SBF2: variants seen among roughly 807,000 people sequenced by gnomAD.
SBF2 encodes SET binding factor 2.
A neutral mutation model predicts 225.2 loss-of-function variants in SBF2; 112 were observed. The ratio of observed to expected loss-of-function variants is 0.50; its 90% CI spans 0.43 to 0.58. The LOEUF (loss-of-function observed/expected upper bound fraction) is 0.58. Among genes scored for constraint, SBF2 ranks in the 20% least tolerant of loss-of-function variants. The pLI, the probability that SBF2 is intolerant of heterozygous loss-of-function variation, is 0.00. For missense variants in SBF2, 1,996 were observed against 2,206.2 expected (o/e 0.90, Z 1.91); for synonymous variants, 763 against 773.3 (o/e 0.99, Z 0.22).
intron 16 of SBF2, among the ~76,000 whole-genome samples, chr11:9,910,478 AT>A (rs1282451743): frequency 6.6e-6 from 1 of 152,202 alleles, no homozygotes; most frequent in African/African-American, 2.4e-5. Context: ...ATTAAAAAAA[AT>A]AGCTAATGGT....
At chr11:10,220,585 C>G (rs1278948793) in intron 1 of SBF2, among the ~76,000 whole-genome samples, 1 of 152,130 alleles carries the variant, frequency 6.6e-6, no homozygotes, top group Non-Finnish European at 1.5e-5. Context: ...GTTTCTTACC[C>G]TATACATTGC....
At chr11:9,786,295 T>C (rs1298871876) in intron 36 of SBF2, among the ~76,000 whole-genome samples, 1 of 152,266 alleles carries the variant, frequency 6.6e-6, no homozygotes, top group Non-Finnish European at 1.5e-5. Context: ...TTTGATAGCA[T>C]AGTGGTTTAC....
At chr11:10,124,292 T>C (rs1350413513) in intron 2 of SBF2, among the ~76,000 whole-genome samples, 3 of 152,174 alleles carry the variant, frequency 2.0e-5, no homozygotes, top group Non-Finnish European at 2.9e-5. Context: ...AAATTTATCC[T>C]TCCAATGGCA....
chr11:9,847,201 G>T, intron 22 of SBF2, 118 bp from the exon 23 acceptor site: 1 of 1,258,056 alleles, frequency 7.9e-7, no homozygotes, highest in Non-Finnish European at 1.2e-6. Context: ...ACACTGCCCA[G>T]GGATGCAGTG....
intron 2 of SBF2, among the ~76,000 whole-genome samples, chr11:10,141,276 C>T (rs958902632): frequency 3.3e-5 from 5 of 152,060 alleles, no homozygotes; most frequent in African/African-American, 1.2e-4. Flanking sequence ...ACTATTATCT[C>T]CAGCTGAATG....
intron 2 of SBF2, among the ~76,000 whole-genome samples, chr11:10,175,482 C>A (rs937692757): frequency 1.1e-3 from 163 of 151,342 alleles, no homozygotes; most frequent in Non-Finnish European, 2.1e-3. Flanking sequence ...TATATATGCA[C>A]CCAATACAGG....
chr11:9,808,285 T>C, intron 31 of SBF2, 100 bp from the exon 32 acceptor site: 1 of 1,038,382 alleles, frequency 9.6e-7, no homozygotes, highest in South Asian at 1.4e-5. Context: ...AATTCACAAA[T>C]TTACCTGGAC....
At chr11:9,841,330 T>A (rs1157755670) in intron 25 of SBF2, among the ~76,000 whole-genome samples, 1 of 152,134 alleles carries the variant, frequency 6.6e-6, no homozygotes, top group African/African-American at 2.4e-5. Context: ...TAAAAAAAAT[T>A]GAGTTAGAAG....
intron 23 of SBF2, among the ~76,000 whole-genome samples, chr11:9,846,594 C>T (rs12577960): frequency 0.08 from 12,151 of 152,304 alleles, 570 homozygotes; most frequent in East Asian, 0.16. Flanking sequence ...TTCCATAGAA[C>T]AGCCACAGGG....
intron 1 of SBF2, among the ~76,000 whole-genome samples, chr11:10,267,707 G>T (rs932761265): frequency 6.6e-6 from 1 of 152,066 alleles, no homozygotes; most frequent in African/African-American, 2.4e-5. Context: ...ATACAAACCC[G>T]AAACTGTCTA....
chr11:10,133,702 G>A (rs1954209585), intron 2 of SBF2, among the ~76,000 whole-genome samples: 1 of 151,510 alleles, frequency 6.6e-6, no homozygotes, highest in African/African-American at 2.4e-5. Context: ...ACACCTCCCT[G>A]CAAGCTGAGG....
intron 2 of SBF2, among the ~76,000 whole-genome samples, chr11:10,060,843 A>G (rs1193735005): frequency 1.3e-5 from 2 of 152,138 alleles, no homozygotes; most frequent in Non-Finnish European, 2.9e-5. Context: ...CCTGGCTAAC[A>G]CGGTTAAACC....
intron 20 of SBF2, among the ~76,000 whole-genome samples, chr11:9,853,172 A>G (rs1398893375): frequency 2.0e-5 from 3 of 152,230 alleles, no homozygotes; most frequent in Non-Finnish European, 4.4e-5. Flanking sequence ...ATATTATCTA[A>G]GTCCACTTAT....
At chr11:9,797,132 TCTC>T (rs1399938062) in intron 32 of SBF2, among the ~76,000 whole-genome samples, 19 of 152,226 alleles carry the variant, frequency 1.2e-4, no homozygotes, top group Admixed American at 4.6e-4. Flanking sequence ...AAGTCAGCGT[TCTC>T]CTCCATGTTT....
chr11:9,905,064 A>G (rs926535873), intron 16 of SBF2, among the ~76,000 whole-genome samples: 3 of 152,206 alleles, frequency 2.0e-5, no homozygotes, highest in Non-Finnish European at 4.4e-5. Context: ...AAATTTCAAA[A>G]TGTTTTGAAT....
chr11:9,942,980 G>T (rs1865367216), intron 16 of SBF2, among the ~76,000 whole-genome samples: 1 of 147,544 alleles, frequency 6.8e-6, no homozygotes, highest in African/African-American at 2.5e-5. Context: ...AAAGAAAGAG[G>T]AAGAAAGAAA....
intron 1 of SBF2, among the ~76,000 whole-genome samples, chr11:10,227,619 A>G (rs1958629767): frequency 6.6e-6 from 1 of 152,184 alleles, no homozygotes; most frequent in African/African-American, 2.4e-5. Flanking sequence ...TTTGACAAAG[A>G]TCAGATAGTT....
chr11:9,925,155 A>C (rs1320447114), intron 16 of SBF2, among the ~76,000 whole-genome samples: 1 of 152,200 alleles, frequency 6.6e-6, no homozygotes, highest in Non-Finnish European at 1.5e-5. Context: ...TATATGTGTA[A>C]TTTAATATTT....
chr11:10,262,409 A>G (rs999369943), intron 1 of SBF2, among the ~76,000 whole-genome samples: 1 of 152,138 alleles, frequency 6.6e-6, no homozygotes, highest in Non-Finnish European at 1.5e-5. Context: ...TCAAAGTGCA[A>G]CTCAAAATAA....
Sources: gnomAD v4.1 joint callset for allele counts (sites outside exome capture counted in the v4.1 genomes callset) on GRCh38, gnomAD v4.1.1 for gene constraint, MANE v1.5 for transcripts, NCBI Gene and HGNC (gene_info 2026-07-23, HGNC 2026-07-21) for gene names.